AOPEP: variants seen among roughly 807,000 people sequenced by gnomAD.
AOPEP encodes the protein aminopeptidase O (putative), also known as aminopeptidase O.
In AOPEP, 77 loss-of-function variants were observed where a neutral mutation model predicts 98.1. The ratio of observed to expected loss-of-function variants is 0.78; its 90% CI spans 0.65 to 0.95. AOPEP has a LOEUF of 0.95. Among genes scored for constraint, AOPEP ranks in the 40% least tolerant of loss-of-function variants. AOPEP has a pLI of 0.00. For synonymous variants in AOPEP, 346 were observed against 365.3 expected (o/e 0.95, Z 0.60); for missense variants, 1,024 against 1,024.7 (o/e 1.00, Z 0.01).
At chr9:94,778,450 A>G (rs574557526) in intron 3 of AOPEP, among the ~76,000 whole-genome samples, 4 of 152,292 alleles carry the variant, frequency 2.6e-5, no homozygotes, top group African/African-American at 9.6e-5. Context: ...AATCAAAAAA[A>G]AAAAAAATAG....
At position 94,921,799 on chromosome 9, in the gene AOPEP, G is replaced by A. The variant is rs971499726; in HGVS notation, c.1365-2187G>A. 6.6e-5 allele frequency among the ~76,000 whole-genome samples: 10 copies of A among 152,274 alleles called. No individual in the cohort carries two copies. In the South Asian group the frequency reaches 1.9e-3, roughly 28 times the overall value. On this transcript the variant is annotated intron_variant, in intron 5 of 16. Coordinates refer to ENST00000375315, the MANE Select transcript of AOPEP (RefSeq NM_001193329.3). The stretch of plus-strand genomic sequence containing the variant: ...CCGGAAAATTGCTTTTCAGGGAGAA[G>A]GTCATGTTTTCCGCAGATAGTGGGG...
chr9:95,136,213 G>A, the AOPEP span, among the ~76,000 whole-genome samples: 1 of 151,970 alleles, frequency 6.6e-6, no homozygotes, highest in Non-Finnish European at 1.5e-5. Context: ...CAAATAGTGA[G>A]GCCCTGCTTC....
intron 16 of AOPEP, chr9:95,085,370 C>T: frequency 2.0e-6 from 1 of 495,030 alleles, no homozygotes. Context: ...CGTAGCTCTT[C>T]TTTGGAAACA....
chr9:95,107,641 C>T, the AOPEP span: 8 of 394,208 alleles, frequency 2.0e-5, no homozygotes, highest in East Asian at 3.9e-4. Flanking sequence ...AATTAAAGCC[C>T]CACGCAGTCA....
intron 7 of AOPEP, among the ~76,000 whole-genome samples, chr9:94,936,983 T>C (rs1445807477): frequency 2.0e-5 from 3 of 152,240 alleles, no homozygotes; most frequent in Non-Finnish European, 4.4e-5. Context: ...CCCCTTTCCC[T>C]GCGTTCAGCT....
chr9:95,031,011 A>G (rs1449471276), intron 13 of AOPEP, among the ~76,000 whole-genome samples: 1 of 152,164 alleles, frequency 6.6e-6, no homozygotes, highest in African/African-American at 2.4e-5. Context: ...CCTCCTCTCT[A>G]GTATTTCCAC....
At chr9:95,031,546 G>C (rs1365661139) in intron 13 of AOPEP, among the ~76,000 whole-genome samples, 3 of 152,298 alleles carry the variant, frequency 2.0e-5, no homozygotes, top group South Asian at 4.2e-4. Context: ...CAAGAGCCCA[G>C]CTCTGCCAAT....
chr9:95,061,799 A>C (rs1269252986), intron 14 of AOPEP, among the ~76,000 whole-genome samples: 1 of 152,246 alleles, frequency 6.6e-6, no homozygotes, highest in Non-Finnish European at 1.5e-5. Flanking sequence ...ACAGTGATTG[A>C]AAAACTCCAG....
chr9:94,846,444 G>A (rs573590844), intron 5 of AOPEP, among the ~76,000 whole-genome samples: 1 of 152,110 alleles, frequency 6.6e-6, no homozygotes, highest in African/African-American at 2.4e-5. Flanking sequence ...GAGAAGGTGG[G>A]GCAAGAAAGT....
chr9:94,777,625 C>CTTTTTT (rs34067261), intron 3 of AOPEP, among the ~76,000 whole-genome samples: 4 of 94,178 alleles, frequency 4.2e-5, no homozygotes, highest in African/African-American at 1.4e-4. Context: ...ATTATATAAT[C>CTTTTTT]TTTTTTTTTT....
In AOPEP at chr9:94,805,315, C is replaced by T. The variant is rs1035981793; in HGVS notation, c.1364+4313C>T. 8.5e-5 allele frequency among the ~76,000 whole-genome samples: 13 copies of T among 152,238 alleles called. No individual in the cohort carries two copies. The East Asian group carries it at 2.5e-3, about 29-fold the overall frequency. On this transcript the variant is annotated intron_variant, in intron 5 of 16. Transcript: ENST00000375315. ...AACACCTGGCACCCAGACGGGCAAC[C>T]GTCCCTTTGTAGAGAAGGGAGAAGT...
At chr9:94,847,545 T>A (rs1186204328) in intron 5 of AOPEP, among the ~76,000 whole-genome samples, 4 of 152,214 alleles carry the variant, frequency 2.6e-5, no homozygotes, top group Non-Finnish European at 4.4e-5. Flanking sequence ...TTGAATAGAT[T>A]CTTATAGATG....
chr9:95,135,353 G>A, the AOPEP span: 2 of 1,613,892 alleles, frequency 1.2e-6, no homozygotes, highest in Non-Finnish European at 1.7e-6. Flanking sequence ...TACCAGCGAT[G>A]AATCTTTTAT....
chr9:95,117,434 G>C, the AOPEP span: 2 of 1,541,232 alleles, frequency 1.3e-6, no homozygotes, highest in Middle Eastern at 1.7e-4. Context: ...CATTAAGATT[G>C]AAACGGGGTC....
the AOPEP span, among the ~76,000 whole-genome samples, chr9:95,118,977 G>T: frequency 3.9e-5 from 6 of 152,146 alleles, no homozygotes; most frequent in Non-Finnish European, 5.9e-5. Flanking sequence ...GTTTAACATC[G>T]TAAGGCCATA....
intron 1 of AOPEP, among the ~76,000 whole-genome samples, chr9:94,735,699 CTT>C (rs949277141): frequency 1.2e-4 from 19 of 152,180 alleles, no homozygotes; most frequent in African/African-American, 4.3e-4. Flanking sequence ...AAAATTCACT[CTT>C]TAAAAGAATA....
At chr9:94,861,392 A>G (rs1017681115) in intron 5 of AOPEP, among the ~76,000 whole-genome samples, 6 of 152,204 alleles carry the variant, frequency 3.9e-5, no homozygotes, top group African/African-American at 9.7e-5. Context: ...AGAGAGAAAC[A>G]TATACTGGTT....
rs118029203 is a variant in AOPEP, at chr9:94,907,605, C to T, written c.1365-16381C>T. ...ATGTGTGCACACACATGCACACCCT[C>T]CCCCACACCAGTCTTCCCCAGAGCC... On this transcript the variant is annotated intron_variant, in intron 5 of 16. Transcript: ENST00000375315. Among the ~76,000 whole-genome samples, 92 of 152,250 alleles carry T rather than the reference C, an allele frequency of 6.0e-4. No homozygotes were observed. The East Asian group carries it at 0.013, about 21-fold the overall frequency.
At chr9:94,924,966 G>C (rs1023726232) in intron 6 of AOPEP, among the ~76,000 whole-genome samples, 1 of 152,168 alleles carries the variant, frequency 6.6e-6, no homozygotes, top group Admixed American at 6.5e-5. Flanking sequence ...AAGCTGCTTC[G>C]TGCTTACTTT....
Sources: gnomAD v4.1 joint callset for allele counts (sites outside exome capture counted in the v4.1 genomes callset) on GRCh38, gnomAD v4.1.1 for gene constraint, MANE v1.5 for transcripts, NCBI Gene and HGNC (gene_info 2026-07-23, HGNC 2026-07-21) for gene names.